Variants in SPIDR observed in about 807,000 individuals in gnomAD.
SPIDR encodes scaffold protein involved in DNA repair.
SPIDR carries 93 observed loss-of-function variants against 104.6 expected under a neutral mutation model. The observed-to-expected ratio is 0.89, with a 90% confidence interval of 0.75 to 1.06. SPIDR has a LOEUF of 1.06. Ranked by LOEUF, SPIDR falls within the 50% of genes least tolerant of loss-of-function variation. The pLI is 0.00. For synonymous variants in SPIDR, 431 were observed against 416.9 expected, an observed-to-expected ratio of 1.03 and a Z score of -0.41; for missense variants, 1,154 against 1,111.2, an observed-to-expected ratio of 1.04 and a Z score of -0.55.
chr8:47,386,322 T>C (rs559122795), intron 5 of SPIDR, among the ~76,000 whole-genome samples: 104 of 152,326 alleles, frequency 6.8e-4, no homozygotes, highest in African/African-American at 2.2e-3. Flanking sequence ...TTTTCCTTGC[T>C]TGAATGAAAA....
At chr8:47,398,099 C>A (rs2061446519) in intron 6 of SPIDR, among the ~76,000 whole-genome samples, 1 of 151,578 alleles carries the variant, frequency 6.6e-6, no homozygotes, top group South Asian at 2.1e-4. Flanking sequence ...GTTGTGGCCT[C>A]AAAAAAAGAA....
chr8:47,659,707 GT>G (rs2073738800), intron 10 of SPIDR: 1 of 983,420 alleles, frequency 1.0e-6, no homozygotes, highest in Non-Finnish European at 1.2e-6. Context: ...GCCCTCTTCT[GT>G]CCCCATGCTC....
chr8:47,618,421 G>A (rs902069638), intron 10 of SPIDR, among the ~76,000 whole-genome samples: 1 of 152,008 alleles, frequency 6.6e-6, no homozygotes, highest in Non-Finnish European at 1.5e-5. Flanking sequence ...TACCAAGGGT[G>A]ATAGATAGGT....
intron 10 of SPIDR, among the ~76,000 whole-genome samples, chr8:47,642,357 T>C (rs1361505995): frequency 6.8e-6 from 1 of 147,608 alleles, no homozygotes; most frequent in Non-Finnish European, 1.5e-5. Context: ...TGGAGGTTGC[T>C]GTGAGCCAAG....
intron 5 of SPIDR, among the ~76,000 whole-genome samples, chr8:47,317,779 T>A (rs1370360451): frequency 2.0e-5 from 3 of 152,218 alleles, no homozygotes; most frequent in African/African-American, 7.2e-5. Flanking sequence ...CAGCAACATT[T>A]CCTGCTCACC....
intron 19 of SPIDR, chr8:47,732,330 C>T (rs144229615): frequency 1.6e-6 from 1 of 640,138 alleles, no homozygotes; most frequent in Non-Finnish European, 2.8e-6. Flanking sequence ...TGCATCAGAG[C>T]ACCTTTGCCC....
intron 1 of SPIDR, among the ~76,000 whole-genome samples, chr8:47,274,964 A>C (rs976956549): frequency 1.8e-4 from 28 of 151,470 alleles, no homozygotes; most frequent in African/African-American, 6.8e-4. Flanking sequence ...ACTACAATAG[A>C]AAATACCCCC....
intron 10 of SPIDR, among the ~76,000 whole-genome samples, chr8:47,645,985 A>G (rs1331301511): frequency 4.6e-5 from 7 of 152,198 alleles, no homozygotes; most frequent in Non-Finnish European, 1.0e-4. Flanking sequence ...TCCAAAAGAA[A>G]AAATTAAGCC....
chr8:47,570,894 C>T (rs1344679177), intron 8 of SPIDR, among the ~76,000 whole-genome samples: 1 of 152,072 alleles, frequency 6.6e-6, no homozygotes, highest in Non-Finnish European at 1.5e-5. Flanking sequence ...AGTTCGAAAC[C>T]AGCCTGGCCA....
In SPIDR at chr8:47,293,943, C is replaced by G; in HGVS notation, c.438C>G (p.Asp146Glu). ...EASDCDEFED[D>E]EGAVEISDCA... is the part of the protein sequence containing the mutation. ...GTGACTGTGATGAATTTGAAGATGA[C>G]GAGGGTGCTGTGGAAATCTCAGACT... The change falls in exon 5 of 20, where the codon GAC (aspartate) becomes GAG (glutamate). Residue 146 changes from aspartate to glutamate, a missense_variant. Coordinates refer to ENST00000297423, the MANE Select transcript of SPIDR (RefSeq NM_001080394.4). 6.8e-6 allele frequency: 11 copies of G among 1,614,024 alleles called. No individual in the cohort carries two copies. The South Asian group carries it at 1.2e-4, about 18-fold the overall frequency.
intron 8 of SPIDR, among the ~76,000 whole-genome samples, chr8:47,460,021 T>C (rs1476238208): frequency 6.6e-6 from 1 of 152,206 alleles, no homozygotes; most frequent in African/African-American, 2.4e-5. Context: ...ATTTCAGTTT[T>C]CTTAAATTGA....
intron 11 of SPIDR, among the ~76,000 whole-genome samples, chr8:47,674,663 T>C (rs770062957): frequency 1.5e-4 from 23 of 152,234 alleles, no homozygotes; most frequent in Admixed American, 2.6e-4. Flanking sequence ...GCTATAACAG[T>C]ATCGGAAGGA....
intron 5 of SPIDR, among the ~76,000 whole-genome samples, chr8:47,375,009 C>T (rs1181977742): frequency 6.6e-6 from 1 of 151,714 alleles, no homozygotes; most frequent in East Asian, 1.9e-4. Context: ...GAGCCGAGAT[C>T]GCACCACTGC....
chr8:47,669,390 G>A (rs539118093), intron 10 of SPIDR, among the ~76,000 whole-genome samples: 1 of 152,198 alleles, frequency 6.6e-6, no homozygotes. Flanking sequence ...GTCGAACCAG[G>A]GGGGTGATGA....
At chr8:47,564,018 A>G (rs1269489844) in intron 8 of SPIDR, among the ~76,000 whole-genome samples, 2 of 145,162 alleles carry the variant, frequency 1.4e-5, no homozygotes, top group Non-Finnish European at 3.0e-5. Context: ...ATACTTAGCC[A>G]TTATTTAGTC....
chr8:47,533,865 C>T (rs763570744), intron 8 of SPIDR, among the ~76,000 whole-genome samples: 6 of 152,204 alleles, frequency 3.9e-5, no homozygotes, highest in Admixed American at 6.5e-5. Flanking sequence ...ATGGTGATTC[C>T]TCAAGGGGCT....
rs1217814499 is a variant in SPIDR at position 47,312,506 on chromosome 8, C to T, written c.525+18476C>T. Among the ~76,000 whole-genome samples the T allele has an allele frequency of 2.6e-5, 4 of 152,158 alleles. No individual in the cohort carries two copies. The East Asian group carries it at 7.7e-4, about 29-fold the overall frequency. The stretch of plus-strand genomic sequence containing the variant: ...CATTTTTTCATGTGTTTTTTGGCTG[C>T]ATAAATGTCTTCTTTTGAGAAGTGT... On this transcript the variant is annotated intron_variant, in intron 5 of 19. Transcript: ENST00000297423.
intron 10 of SPIDR, among the ~76,000 whole-genome samples, chr8:47,603,154 CTT>C (rs11377854): frequency 1.4e-5 from 2 of 147,672 alleles, no homozygotes; most frequent in African/African-American, 2.5e-5. Flanking sequence ...AAGCCATAGG[CTT>C]TTTTTTTTTT....
chr8:47,298,964 A>G (rs2041474167), intron 5 of SPIDR, among the ~76,000 whole-genome samples: 1 of 152,140 alleles, frequency 6.6e-6, no homozygotes, highest in Non-Finnish European at 1.5e-5. Context: ...TATGAACTTT[A>G]AAGTAGTTTT....
Sources: gnomAD v4.1 joint callset for allele counts (sites outside exome capture counted in the v4.1 genomes callset) on GRCh38, gnomAD v4.1.1 for gene constraint, MANE v1.5 for transcripts, NCBI Gene and HGNC (gene_info 2026-07-23, HGNC 2026-07-21) for gene names.